ATRN: variants seen among roughly 807,000 people sequenced by gnomAD.
ATRN encodes attractin-2.
In ATRN, 54 loss-of-function variants were observed where a neutral mutation model predicts 178.7. The ratio of observed to expected loss-of-function variants is 0.30; its 90% confidence interval spans 0.24 to 0.38. The LOEUF (loss-of-function observed/expected upper bound fraction) is 0.38. Among genes scored for constraint, ATRN ranks in the 10% least tolerant of loss-of-function variants. The pLI is 1.00. For missense variants in ATRN, 1,443 were observed against 1,815.1 expected (o/e 0.79, Z 3.73); for synonymous variants, 636 against 663.0 (o/e 0.96, Z 0.63).
At chr20:3,529,235 A>G (rs1435712889) in intron 1 of ATRN, among the ~76,000 whole-genome samples, 1 of 152,244 alleles carries the variant, frequency 6.6e-6, no homozygotes, top group Non-Finnish European at 1.5e-5. Flanking sequence ...CTGATGTGGA[A>G]TAAGTAGAAC....
intron 1 of ATRN, among the ~76,000 whole-genome samples, chr20:3,514,827 TGTGCCTCTA>T (rs2085184844): frequency 6.6e-6 from 1 of 152,014 alleles, no homozygotes; most frequent in African/African-American, 2.4e-5. Flanking sequence ...CATGGTGGTG[TGTGCCTCTA>T]GTCCCAGCTG....
rs187982971 is a variant in ATRN, at chr20:3,615,629, C to T, written c.3802-8882C>T. ...GGAGTACAGTGGTGCAATCTTGGCT[C>T]GCTGCAACATCTGCCTCCTGGGTTC... On this transcript the variant is annotated intron_variant, in intron 24 of 28. Transcript: ENST00000262919. Among the ~76,000 whole-genome samples, 1,360 of 140,618 alleles carry T rather than the reference C, an allele frequency of 9.7e-3. 10 individuals are homozygous for T. Among genetic ancestry groups the T allele is most frequent in the Middle Eastern group, 0.017 (4 of 240 alleles). 92.3% of individuals were successfully genotyped at this position (140,618 alleles called of 152,430 possible).
chr20:3,564,981 C>T (rs2086011498), intron 10 of ATRN, among the ~76,000 whole-genome samples: 1 of 152,092 alleles, frequency 6.6e-6, no homozygotes. Flanking sequence ...AGGAGAATGG[C>T]GTGAACCTGG....
At chr20:3,556,731 T>C (rs1289627163) in intron 6 of ATRN, among the ~76,000 whole-genome samples, 2 of 152,238 alleles carry the variant, frequency 1.3e-5, no homozygotes, top group East Asian at 3.8e-4. Context: ...GAGATACTTT[T>C]TTATGTTTTA....
At chr20:3,571,806 T>G (rs2086129450) in intron 11 of ATRN, among the ~76,000 whole-genome samples, 1 of 152,204 alleles carries the variant, frequency 6.6e-6, no homozygotes, top group Non-Finnish European at 1.5e-5. Context: ...TAGCATTATT[T>G]CCATGTAAAA....
intron 24 of ATRN, among the ~76,000 whole-genome samples, chr20:3,612,415 A>G (rs1421828808): frequency 6.6e-6 from 1 of 152,214 alleles, no homozygotes; most frequent in Non-Finnish European, 1.5e-5. Flanking sequence ...CCCTGTTTTA[A>G]AGGAGCTTAT....
chr20:3,519,438 T>C (rs1294691687), intron 1 of ATRN, among the ~76,000 whole-genome samples: 1 of 152,178 alleles, frequency 6.6e-6, no homozygotes, highest in Non-Finnish European at 1.5e-5. Flanking sequence ...TATGATTTCC[T>C]CATTAAACAA....
At chr20:3,557,745 A>G (rs565040940) in intron 6 of ATRN, among the ~76,000 whole-genome samples, 3 of 152,340 alleles carry the variant, frequency 2.0e-5, no homozygotes, top group Non-Finnish European at 4.4e-5. Flanking sequence ...GGAAGAAGAA[A>G]TGAGAGGCAA....
At chr20:3,626,787 T>TC (rs2086944163) in intron 25 of ATRN, among the ~76,000 whole-genome samples, 1 of 148,932 alleles carries the variant, frequency 6.7e-6, no homozygotes, top group Non-Finnish European at 1.5e-5. Flanking sequence ...ATTTCTTTTT[T>TC]TTTTTTTTTT....
chr20:3,510,908 ACT>A (rs2085117743), intron 1 of ATRN, among the ~76,000 whole-genome samples: 2 of 152,170 alleles, frequency 1.3e-5, no homozygotes, highest in Admixed American at 6.5e-5. Flanking sequence ...TAATTTTAAT[ACT>A]CTCTCAGTAG....
rs545484748 is a variant in ATRN at position 3,527,569 on chromosome 20, G to A, written c.411-7684G>A. Among the ~76,000 whole-genome samples, 234 of 152,250 alleles carry A rather than the reference G, an allele frequency of 1.5e-3. 2 individuals are homozygous for A. The highest frequency in any genetic ancestry group is 2.4e-3 in the Non-Finnish European group (164 of 68,020). On this transcript the variant is annotated intron_variant, in intron 1 of 28. Coordinates refer to ENST00000262919, the MANE Select transcript of ATRN (RefSeq NM_139321.3). ...CATTTGACCCAGCAATCCCATTACT[G>A]GGTGTATACCCAAAGGATTATAAAT...
Position 3,577,124 on chromosome 20 carries a change from C to T in ATRN, c.2353+127C>T, listed in dbSNP as rs112830613. 5.4e-5 allele frequency: 63 copies of T among 1,175,594 alleles called. 1 individual carries two copies. Among genetic ancestry groups the T allele is most frequent in the South Asian group, 5.2e-4 (32 of 61,398 alleles). 72.8% of individuals were successfully genotyped at this position (1,175,594 alleles called of 1,614,324 possible). A position where few individuals can be genotyped will look rare whatever the true frequency, so the allele number is the denominator to read the frequency against. Reference sequence around the variant, plus strand: ...TAATTCTGTCCATTCATCCCCCACACGAGTATTATGGGCTTTTTTGTTTTT... The same window carrying T: ...TAATTCTGTCCATTCATCCCCCACATGAGTATTATGGGCTTTTTTGTTTTT... On this transcript the variant is annotated intron_variant, in intron 14 of 28. Transcript: ENST00000262919.
intron 1 of ATRN, among the ~76,000 whole-genome samples, chr20:3,505,886 A>G (rs1438052589): frequency 1.3e-5 from 2 of 152,260 alleles, no homozygotes; most frequent in Non-Finnish European, 2.9e-5. Context: ...AGAAGGGCAT[A>G]ATGATAAAAT....
At chr20:3,500,577 A>G (rs1390628795) in intron 1 of ATRN, among the ~76,000 whole-genome samples, 4 of 151,312 alleles carry the variant, frequency 2.6e-5, no homozygotes, top group East Asian at 2.0e-4. Context: ...TCAGTAAACT[A>G]TCGCAAGAAC....
chr20:3,629,359 A>T (rs2086972477), intron 25 of ATRN: 2 of 939,426 alleles, frequency 2.1e-6, no homozygotes, highest in South Asian at 5.0e-5. Context: ...TGCTACCAGG[A>T]CCATCTCCTA....
At chr20:3,477,782 A>G (rs2084549596) in intron 1 of ATRN, among the ~76,000 whole-genome samples, 1 of 152,208 alleles carries the variant, frequency 6.6e-6, no homozygotes, top group African/African-American at 2.4e-5. Flanking sequence ...AAATTCTGTA[A>G]TTTACTTCTT....
intron 1 of ATRN, among the ~76,000 whole-genome samples, chr20:3,492,847 AGAGAGAGGCGCGCGCGC>A (rs1043909765): frequency 2.3e-5 from 3 of 130,836 alleles, no homozygotes; most frequent in African/African-American, 7.4e-5. Context: ...AGAGAGAGAG[AGAGAGAGGCGCGCGCGC>A]GCGTGCGCAC....
Position 3,638,678 on chromosome 20 carries a change from T to C in ATRN, c.3943-150T>C. 2 of 642,222 alleles carry C rather than the reference T, an allele frequency of 3.1e-6. No individual in the cohort carries two copies. Among genetic ancestry groups the C allele is most frequent in the Non-Finnish European group, 2.7e-6 (1 of 376,576 alleles). 39.8% of individuals were successfully genotyped at this position (642,222 alleles called of 1,614,324 possible). A position where few individuals can be genotyped will look rare whatever the true frequency, so the allele number is the denominator to read the frequency against. ...ACATCCAACAAAATTTAGTAATCCC[T>C]AATGTTATCTAATATCAAGTCTAAA... On this transcript the variant is annotated intron_variant, in intron 26 of 28. Coordinates refer to ENST00000262919, the MANE Select transcript of ATRN (RefSeq NM_139321.3). The surrounding 1 kb of genome is among the most constrained non-coding windows in gnomAD (Gnocchi z 4.5).
intron 27 of ATRN, among the ~76,000 whole-genome samples, chr20:3,641,612 A>AT (rs2087069115): frequency 6.6e-6 from 1 of 151,124 alleles, no homozygotes; most frequent in Non-Finnish European, 1.5e-5. Flanking sequence ...AAAAAAAAAA[A>AT]AAAGGGAAAA....
Sources: gnomAD v4.1 joint callset for allele counts (sites outside exome capture counted in the v4.1 genomes callset) on GRCh38, gnomAD v4.1.1 for gene constraint, Gnocchi (gnomAD v3.1) non-coding constraint, MANE v1.5 for transcripts, NCBI Gene and HGNC (gene_info 2026-07-23, HGNC 2026-07-21) for gene names.